The following ATP11B variants were observed in gnomAD, a reference collection of about 807,000 sequenced individuals.
ATP11B encodes ATPase phospholipid transporting 11B (putative), also known as phospholipid-transporting ATPase IF.
A neutral mutation model predicts 157.8 loss-of-function variants in ATP11B; 81 were observed. The ratio of observed to expected loss-of-function variants is 0.51; its 90% CI spans 0.43 to 0.62. The LOEUF is 0.62. Among genes scored for constraint, ATP11B ranks in the 20% least tolerant of loss-of-function variants. The pLI, the probability that ATP11B is intolerant of heterozygous loss-of-function variation, is 0.00. For synonymous variants in ATP11B, 451 were observed against 469.4 expected, an observed-to-expected ratio of 0.96 and a Z score of 0.51; for missense variants, 1,165 against 1,402.2, an observed-to-expected ratio of 0.83 and a Z score of 2.70.
chr3:182,872,273 G>C (rs1170490772), intron 17 of ATP11B, 83 bp from the exon 18 acceptor site: 1 of 962,604 alleles, frequency 1.0e-6, no homozygotes, highest in African/African-American at 1.6e-5. Flanking sequence ...TAGGTCTTCA[G>C]TGTATTTTGA....
chr3:182,881,515 C>G (rs1263111907), intron 21 of ATP11B, among the ~76,000 whole-genome samples: 1 of 151,528 alleles, frequency 6.6e-6, no homozygotes, highest in Non-Finnish European at 1.5e-5. Context: ...GCACTCCAGC[C>G]TGGGCGACAG....
chr3:182,895,178 A>C (rs1317274671), intron 25 of ATP11B, among the ~76,000 whole-genome samples: 1 of 150,502 alleles, frequency 6.6e-6, no homozygotes, highest in African/African-American at 2.4e-5. Flanking sequence ...GGAGAATGGC[A>C]CTCCTCCTGA....
chr3:182,841,085 A>G (rs1718976736), intron 7 of ATP11B, among the ~76,000 whole-genome samples: 2 of 151,946 alleles, frequency 1.3e-5, no homozygotes, highest in Non-Finnish European at 2.9e-5. Flanking sequence ...CCTTGAACAT[A>G]CCATGTCTAC....
intron 28 of ATP11B, 55 bp from the exon 29 acceptor site, chr3:182,913,806 T>G: frequency 6.2e-7 from 1 of 1,613,196 alleles, no homozygotes; most frequent in East Asian, 2.2e-5. Context: ...GTTCTAATGC[T>G]TTTCAGAAGT....
chr3:182,900,258 G>T (rs1723860130), intron 28 of ATP11B, among the ~76,000 whole-genome samples: 1 of 152,176 alleles, frequency 6.6e-6, no homozygotes, highest in Admixed American at 6.5e-5. Context: ...GTTCATATCT[G>T]TGTCCTTGAT....
chr3:182,872,621 T>A (rs1721748321), intron 18 of ATP11B, 84 bp downstream of exon 18: 1 of 1,144,878 alleles, frequency 8.7e-7, no homozygotes, highest in South Asian at 1.8e-5. Context: ...ACATAAATTC[T>A]CTTTACTAAC....
At chr3:182,867,886 A>C (rs888583519) in intron 15 of ATP11B, among the ~76,000 whole-genome samples, 1 of 152,112 alleles carries the variant, frequency 6.6e-6, no homozygotes, top group Non-Finnish European at 1.5e-5. Context: ...TACATTTTTA[A>C]AGGGTTGTTT....
intron 12 of ATP11B, among the ~76,000 whole-genome samples, chr3:182,862,889 T>G (rs1186670396): frequency 6.6e-6 from 1 of 151,910 alleles, no homozygotes; most frequent in Non-Finnish European, 1.5e-5. Context: ...ACCTGTCATG[T>G]TTAACCACAA....
Position 182,842,085 on chromosome 3 carries a change from C to G in ATP11B, c.667C>G (p.Arg223Gly). 1 of 1,601,312 alleles carries G rather than the reference C, an allele frequency of 6.2e-7. No homozygotes were observed. The highest frequency in any genetic ancestry group is 8.5e-7 in the Non-Finnish European group (1 of 1,170,958). Reference sequence around the variant, plus strand: ...TGAATTTTTTGATAGATTCATGGGACGAATGATCATAACCCAACAAATGGA... The same window carrying G: ...TGAATTTTTTGATAGATTCATGGGAGGAATGATCATAACCCAACAAATGGA... ...PEADLYRFMGRMIITQQMEEI... is the reference protein window; with the variant it reads ...PEADLYRFMGGMIITQQMEEI... The change falls in exon 8 of 30, where the codon CGA becomes GGA. Residue 223 changes from arginine (R) to glycine (G), a missense_variant. Transcript: ENST00000323116.
chr3:182,809,366 A>T (rs946692777), intron 1 of ATP11B, among the ~76,000 whole-genome samples: 12 of 152,234 alleles, frequency 7.9e-5, no homozygotes, highest in East Asian at 1.9e-4. Context: ...CTCCTGCCTC[A>T]GCCTCCCAAG....
chr3:182,802,953 G>A (rs1411843473), intron 1 of ATP11B, among the ~76,000 whole-genome samples: 1 of 152,086 alleles, frequency 6.6e-6, no homozygotes, highest in African/African-American at 2.4e-5. Context: ...CTAGGCTTTG[G>A]AACTACCAAA....
At chr3:182,814,745 G>C (rs9872420) in intron 1 of ATP11B, among the ~76,000 whole-genome samples, 107,394 of 152,008 alleles carry the variant, frequency 0.71, 38,385 homozygotes, top group Non-Finnish European at 0.76. Context: ...GAAGTCAAGA[G>C]TGCAGTGAGC....
At chr3:182,878,968 G>A (rs1258136163) in intron 19 of ATP11B, among the ~76,000 whole-genome samples, 1 of 152,136 alleles carries the variant, frequency 6.6e-6, no homozygotes, top group Non-Finnish European at 1.5e-5. Flanking sequence ...CTATATATCA[G>A]TTCATTGTAA....
At chr3:182,898,025 T>C (rs1723676229) in intron 27 of ATP11B, among the ~76,000 whole-genome samples, 1 of 152,008 alleles carries the variant, frequency 6.6e-6, no homozygotes, top group Non-Finnish European at 1.5e-5. Context: ...AAAAAAAAGC[T>C]TCTGAAGGTA....
Position 182,869,302 on chromosome 3 carries a change from A to T in ATP11B, c.1837A>T (p.Thr613Ser), listed in dbSNP as rs200000803. The T allele has an allele frequency of 2.0e-4, 324 of 1,606,932 alleles. No homozygotes were observed. Among genetic ancestry groups the T allele is most frequent in the Middle Eastern group, 7.1e-4 (4 of 5,636 alleles). The change falls in exon 17 of 30, where the codon ACC (threonine) becomes TCC (serine). Residue 613 changes from threonine (T) to serine (S), a missense_variant. Coordinates refer to ENST00000323116, the MANE Select transcript of ATP11B (RefSeq NM_014616.3). ...PKCIGGEIEK[T>S]RIHVDEFALK... is the part of the protein sequence containing the mutation. ...ATGTATAGGTGGAGAAATAGAAAAAACCAGAATTCATGTAGATGAATTTGC... is the reference window on the plus strand; with the variant it reads ...ATGTATAGGTGGAGAAATAGAAAAATCCAGAATTCATGTAGATGAATTTGC...
chr3:182,809,170 T>G lies in ATP11B; in HGVS notation c.28-11090T>G, dbSNP rs1716503022. On this transcript the variant is annotated intron_variant, in intron 1 of 29. Transcript: ENST00000323116. ...TGCCTTTGGTTATTAGAAGTTAGTG[T>G]GATAACCATTAACAATTAAAGACTA... Among the ~76,000 whole-genome samples, 3 of 152,074 alleles carry G rather than the reference T, an allele frequency of 2.0e-5. No homozygotes were observed. The South Asian group carries it at 6.2e-4, about 31-fold the overall frequency.
intron 24 of ATP11B, among the ~76,000 whole-genome samples, chr3:182,888,320 T>A (rs147200784): frequency 9.7e-4 from 147 of 152,320 alleles, no homozygotes; most frequent in Middle Eastern, 6.8e-3. Context: ...GGACAGGGCT[T>A]GACCTAAGAT....
At chr3:182,862,805 T>C (rs1254284653) in intron 12 of ATP11B, among the ~76,000 whole-genome samples, 3 of 151,066 alleles carry the variant, frequency 2.0e-5, no homozygotes, top group Non-Finnish European at 2.9e-5. Context: ...ACCATTATTT[T>C]TGTTCTTTTT....
chr3:182,836,215 C>A (rs6769098), intron 5 of ATP11B, 73 bp downstream of exon 5: 1 of 1,557,316 alleles, frequency 6.4e-7, no homozygotes, highest in Non-Finnish European at 8.8e-7. Flanking sequence ...CTTGATATTA[C>A]GTTTTAGTTA....
Sources: allele counts gnomAD v4.1 joint callset (sites outside exome capture counted in the v4.1 genomes callset), GRCh38; gene constraint gnomAD v4.1.1; transcripts MANE v1.5; gene names NCBI Gene and HGNC (gene_info 2026-07-23, HGNC 2026-07-21).